The following TET3 variants were observed in gnomAD, a reference collection of about 807,000 sequenced individuals.
The protein encoded by TET3 is tet methylcytosine dioxygenase 3.
A neutral mutation model predicts 141.4 loss-of-function variants in TET3; 19 were observed. The ratio of observed to expected loss-of-function variants is 0.13; its 90% CI spans 0.09 to 0.20. The LOEUF is 0.20. Among genes scored for constraint, TET3 ranks in the 10% least tolerant of loss-of-function variants. The pLI is 1.00. For missense variants in TET3, 1,874 were observed against 2,356.9 expected (o/e 0.80, Z 4.24); for synonymous variants, 1,043 against 980.9 (o/e 1.06, Z -1.18).
chr2:73,985,475 G>C (rs1683971196), intron 1 of TET3, among the ~76,000 whole-genome samples: 1 of 144,792 alleles, frequency 6.9e-6, no homozygotes, highest in Non-Finnish European at 1.5e-5. Context: ...TCGGCGGCGC[G>C]GGCCGCCCTC....
At chr2:73,988,990 GTTTTTTTTGT>G (rs1684189606) in intron 2 of TET3, among the ~76,000 whole-genome samples, 1 of 106,304 alleles carries the variant, frequency 9.4e-6, no homozygotes, top group East Asian at 2.6e-4. Context: ...AAAAAAAAAA[GTTTTTTTTGT>G]TTTTTTTTTT....
chr2:74,103,825 G>C lies in TET3; in HGVS notation c.*1649G>C, dbSNP rs143386828. ...ATGGGGGGCTTCATCAGGACACACA[G>C]AGGGGAATGTGGCCACACGGTGGAT... On this transcript the variant is annotated 3_prime_UTR_variant, in exon 12 of 12. Coordinates refer to ENST00000409262, the MANE Select transcript of TET3 (RefSeq NM_001287491.2). 3 of 153,798 alleles carry C rather than the reference G, an allele frequency of 2.0e-5. No individual in the cohort carries two copies. Among genetic ancestry groups the C allele is most frequent in the South Asian group, 2.1e-4 (1 of 4,828 alleles). 9.5% of individuals were successfully genotyped at this position (153,798 alleles called of 1,614,324 possible).
intron 2 of TET3, among the ~76,000 whole-genome samples, chr2:73,987,766 C>T (rs1411953687): frequency 6.6e-6 from 1 of 152,220 alleles, no homozygotes; most frequent in Non-Finnish European, 1.5e-5. Context: ...AAGAGTTGTA[C>T]TTGATGGCTT....
chr2:74,108,486 T>TC (rs1691625758), downstream of TET3, among the ~76,000 whole-genome samples: 2 of 152,198 alleles, frequency 1.3e-5, no homozygotes, highest in Non-Finnish European at 2.9e-5. Flanking sequence ...GGGAGATACC[T>TC]CCCTCCTACT....
intron 3 of TET3, among the ~76,000 whole-genome samples, chr2:74,022,094 C>CCTTTTTTT (rs57671706): frequency 9.7e-4 from 80 of 82,732 alleles, no homozygotes; most frequent in African/African-American, 2.9e-3. Flanking sequence ...TTCTAGGACA[C>CCTTTTTTT]TTTTTTTTTT....
downstream of TET3, among the ~76,000 whole-genome samples, chr2:74,108,762 C>T (rs1691634832): frequency 6.6e-6 from 1 of 152,190 alleles, no homozygotes; most frequent in African/African-American, 2.4e-5. Context: ...CTTGCTCTTC[C>T]TCCTTCCTCC....
At chr2:74,025,594 C>T (rs940318190) in intron 3 of TET3, among the ~76,000 whole-genome samples, 1 of 152,042 alleles carries the variant, frequency 6.6e-6, no homozygotes, top group Non-Finnish European at 1.5e-5. Flanking sequence ...AAAATCATGT[C>T]AATAACCACA....
chr2:74,049,774 C>T (rs188728573), intron 4 of TET3, among the ~76,000 whole-genome samples: 17 of 152,138 alleles, frequency 1.1e-4, no homozygotes, highest in African/African-American at 3.6e-4. Flanking sequence ...TCCTGGGGTA[C>T]GAGGCAGAGG....
chr2:74,114,440 T>C, the TET3 span, among the ~76,000 whole-genome samples: 43,706 of 151,992 alleles, frequency 0.29, 6,568 homozygotes, highest in East Asian at 0.49. Flanking sequence ...ACCACCTGTA[T>C]GCCAAAAATT....
chr2:74,060,771 C>G (rs887975426), intron 4 of TET3, among the ~76,000 whole-genome samples: 1 of 152,236 alleles, frequency 6.6e-6, no homozygotes, highest in Admixed American at 6.5e-5. Flanking sequence ...CAAAGCACAT[C>G]TTGCACCGCC....
At position 74,062,587 on chromosome 2, in the gene TET3, T is replaced by C. The variant is rs80118883; in HGVS notation, c.2495-10962T>C. 1.4e-4 allele frequency among the ~76,000 whole-genome samples: 22 copies of C among 152,302 alleles called. No homozygotes were observed. In the East Asian group the frequency reaches 4.0e-3, roughly 28 times the overall value. On this transcript the variant is annotated intron_variant, in intron 4 of 11. Coordinates refer to ENST00000409262, the MANE Select transcript of TET3 (RefSeq NM_001287491.2). Reference sequence around the variant, plus strand: ...TAACTTTTCTCTTTAGAAGTACCGTTAGCATTTTTAAAAACATACTATAGA... The same window carrying C: ...TAACTTTTCTCTTTAGAAGTACCGTCAGCATTTTTAAAAACATACTATAGA...
In TET3 at chr2:74,077,520, G is replaced by A. The variant is rs867704004; in HGVS notation, c.2586-2978G>A. ...GATAGTTAATCTGAATACTAGAAGG[G>A]CCTCTTCATGATAGGCCAAAAAGTA... On this transcript the variant is annotated intron_variant, in intron 5 of 11. Coordinates refer to ENST00000409262, the MANE Select transcript of TET3 (RefSeq NM_001287491.2). Among the ~76,000 whole-genome samples, 36 of 152,308 alleles carry A rather than the reference G, an allele frequency of 2.4e-4. No individual in the cohort carries two copies. The Middle Eastern group carries it at 0.024, about 101-fold the overall frequency.
chr2:74,001,368 G>A (rs1263708403), intron 2 of TET3, among the ~76,000 whole-genome samples: 3 of 152,292 alleles, frequency 2.0e-5, no homozygotes, highest in East Asian at 1.9e-4. Context: ...ACTTCTCCCT[G>A]GCCTCAGCTT....
chr2:74,093,975 G>C lies in TET3; in HGVS notation c.3267+309G>C, dbSNP rs773360097. On this transcript the variant is annotated intron_variant, in intron 10 of 11. Transcript: ENST00000409262. This position sits in a 1 kb window ranked among gnomAD's most constrained non-coding sequence, Gnocchi z 4.2. ...GGGCCCCGGTCTCTGTGGACACTTG[G>C]ATTTAAATGCAAACAAACCCTTGAT... Among the ~76,000 whole-genome samples, 22 of 152,198 alleles carry C rather than the reference G, an allele frequency of 1.4e-4. No individual in the cohort carries two copies. The highest frequency in any genetic ancestry group is 2.8e-4 in the Non-Finnish European group (19 of 68,028).
intron 4 of TET3, among the ~76,000 whole-genome samples, chr2:74,064,173 A>T (rs1275482868): frequency 6.6e-6 from 1 of 152,018 alleles, no homozygotes; most frequent in Non-Finnish European, 1.5e-5. Flanking sequence ...ATAATCAATG[A>T]TGTCTTATAC....
Position 74,101,215 on chromosome 2 carries a change from G to A in TET3, c.4427G>A (p.Gly1476Glu), listed in dbSNP as rs558778723. 1.1e-5 allele frequency: 17 copies of A among 1,613,170 alleles called. No homozygotes were observed. The South Asian group carries it at 1.9e-4, about 18-fold the overall frequency. ...AIVPDKLSSFGASCLAPSHFT... is the reference protein window; with the variant it reads ...AIVPDKLSSFEASCLAPSHFT... ...GTCCCTGACAAGCTCAGTTCCTTTGGGGCCAGCTGCCTGGCCCCTTCCCAC... is the reference window on the plus strand; with the variant it reads ...GTCCCTGACAAGCTCAGTTCCTTTGAGGCCAGCTGCCTGGCCCCTTCCCAC... The change falls in exon 12 of 12, where the codon GGG becomes GAG. Residue 1476 changes from glycine to glutamate, a missense_variant. Around this residue, in one of 10 missense-constraint regions of TET3, gnomAD observed 602 missense variants for 590.2 expected, o/e 1.02. Coordinates refer to ENST00000409262, the MANE Select transcript of TET3 (RefSeq NM_001287491.2). This position sits in a 1 kb window ranked among gnomAD's most constrained non-coding sequence, Gnocchi z 8.5.
intron 6 of TET3, among the ~76,000 whole-genome samples, chr2:74,081,044 A>C (rs1240324327): frequency 6.6e-6 from 1 of 152,210 alleles, no homozygotes; most frequent in African/African-American, 2.4e-5. Context: ...TGGAAGCCAG[A>C]GACAAACCTG....
At chr2:74,113,200 C>A in the TET3 span, among the ~76,000 whole-genome samples, 1 of 151,882 alleles carries the variant, frequency 6.6e-6, no homozygotes, top group African/African-American at 2.4e-5. Flanking sequence ...GCCTGGCCAA[C>A]ATGGTGAAAC....
intron 2 of TET3, among the ~76,000 whole-genome samples, chr2:73,992,371 T>C (rs1458749487): frequency 6.6e-6 from 1 of 151,866 alleles, no homozygotes; most frequent in East Asian, 1.9e-4. Context: ...TGGACTGCAA[T>C]GGCGTGATCT....
Sources: gnomAD v4.1 joint callset for allele counts (sites outside exome capture counted in the v4.1 genomes callset) on GRCh38, gnomAD v4.1.1 for gene constraint, gnomAD v4.1.1 regional missense constraint, Gnocchi (gnomAD v3.1) non-coding constraint, MANE v1.5 for transcripts, NCBI Gene and HGNC (gene_info 2026-07-23, HGNC 2026-07-21) for gene names.